Variants in PKHD1 observed in about 807,000 individuals in gnomAD.
The protein encoded by PKHD1 is fibrocystin.
PKHD1 carries 291 observed loss-of-function variants against 412.0 expected under a neutral mutation model. The ratio of observed to expected loss-of-function variants is 0.71; its 90% CI spans 0.64 to 0.78. The LOEUF (loss-of-function observed/expected upper bound fraction) is 0.78. Ranked by LOEUF, PKHD1 falls within the 30% of genes least tolerant of loss-of-function variation. PKHD1 has a pLI of 0.00. For missense variants in PKHD1, 4,825 were observed against 4,950.7 expected, an observed-to-expected ratio of 0.97 and a Z score of 0.76; for synonymous variants, 1,777 against 1,821.5, an observed-to-expected ratio of 0.98 and a Z score of 0.62.
At chr6:51,642,378 T>C (rs1347944318) in intron 63 of PKHD1, among the ~76,000 whole-genome samples, 1 of 152,136 alleles carries the variant, frequency 6.6e-6, no homozygotes, top group Non-Finnish European at 1.5e-5. Context: ...AGTAAGGGTC[T>C]GGAGAATGTG....
At chr6:51,683,108 T>C (rs896003627) in intron 60 of PKHD1, among the ~76,000 whole-genome samples, 1 of 152,064 alleles carries the variant, frequency 6.6e-6, no homozygotes, top group Admixed American at 6.6e-5. Flanking sequence ...ACAAATCAAC[T>C]ATGAAGATTT....
At chr6:51,686,778 A>G (rs1777500079) in intron 60 of PKHD1, among the ~76,000 whole-genome samples, 1 of 152,150 alleles carries the variant, frequency 6.6e-6, no homozygotes, top group Non-Finnish European at 1.5e-5. Flanking sequence ...AATAAACTTA[A>G]TGCATCCATT....
At position 52,056,714 on chromosome 6, in the gene PKHD1, C is replaced by T. The variant is rs1807805209; in HGVS notation, c.1677G>A (p.Arg559=). Residue 559 remains arginine, a synonymous_variant, in exon 18 of 67, where the codon CGG becomes CGA. Transcript: ENST00000371117. ...GGACAGCACCTCGTTCAAATCCAAGCCGGAGAAGGATGTTAGACCAAAGGG... is the reference window on the plus strand; with the variant it reads ...GGACAGCACCTCGTTCAAATCCAAGTCGGAGAAGGATGTTAGACCAAAGGG... ...LEPLWSNILL[R]LGFERGPEVS... is the part of the protein sequence containing the mutation. 6.2e-7 allele frequency: 1 copy of T among 1,612,620 alleles called. No individual in the cohort carries two copies. The highest frequency in any genetic ancestry group is 1.7e-5 in the Admixed American group (1 of 59,986).
chr6:51,867,972 A>C lies in PKHD1; in HGVS notation c.7624T>G (p.Ser2542Ala). 1 of 1,613,608 alleles carries C rather than the reference A, an allele frequency of 6.2e-7. No individual in the cohort carries two copies. Residue 2542 changes from serine (S) to alanine (A), a missense_variant, in exon 48 of 67, where the codon TCT (serine) becomes GCT (alanine). Physicochemically the swap from Ser to Ala is moderately conservative, Grantham distance 99. Transcript: ENST00000371117. ...SGKNRSHILA[S>A]METLSASCLV... Reference sequence around the variant, plus strand: ...CAAGAAGCTGAAAGGGTTTCCATAGAAGCAAGAATGTGACTTCTGTTTTTC... The same window carrying C: ...CAAGAAGCTGAAAGGGTTTCCATAGCAGCAAGAATGTGACTTCTGTTTTTC...
chr6:51,757,613 T>TA (rs1787236496), intron 55 of PKHD1, among the ~76,000 whole-genome samples: 3 of 152,010 alleles, frequency 2.0e-5, no homozygotes, highest in Non-Finnish European at 2.9e-5. Flanking sequence ...CAATTTGACA[T>TA]AAAAAATGCT....
intron 48 of PKHD1, among the ~76,000 whole-genome samples, chr6:51,866,841 T>C (rs536395388): frequency 5.9e-5 from 9 of 152,238 alleles, no homozygotes; most frequent in African/African-American, 2.2e-4. Context: ...ATCAAAATGA[T>C]TAGAAATAAA....
intron 48 of PKHD1, among the ~76,000 whole-genome samples, chr6:51,858,703 A>G (rs1773694243): frequency 6.6e-6 from 1 of 152,218 alleles, no homozygotes; most frequent in Non-Finnish European, 1.5e-5. Flanking sequence ...ATGATTGACC[A>G]TAAGAAATAA....
intron 27 of PKHD1, among the ~76,000 whole-genome samples, chr6:52,038,167 G>A (rs974549355): frequency 3.3e-5 from 5 of 152,102 alleles, no homozygotes; most frequent in Non-Finnish European, 7.3e-5. Context: ...AGATCACAAG[G>A]TCAGGAGTTC....
intron 27 of PKHD1, 40 bp from the exon 28 acceptor site, chr6:52,035,761 A>G (rs1439454767): frequency 2.9e-5 from 46 of 1,602,642 alleles, no homozygotes; most frequent in Non-Finnish European, 3.9e-5. Flanking sequence ...ATCACCAACC[A>G]TACAGGCAGA....
intron 6 of PKHD1, among the ~76,000 whole-genome samples, chr6:52,074,456 C>T (rs563609512): frequency 1.7e-4 from 26 of 152,178 alleles, no homozygotes; most frequent in Middle Eastern, 3.4e-3. Context: ...CCTGTTACTG[C>T]TAAAAAAAAT....
chr6:51,994,120 A>C (rs1234225904), intron 35 of PKHD1, among the ~76,000 whole-genome samples: 1 of 150,250 alleles, frequency 6.7e-6, no homozygotes, highest in African/African-American at 2.4e-5. Context: ...ACTTCACTAC[A>C]GAACACTTTT....
intron 42 of PKHD1, 123 bp from the exon 43 acceptor site, chr6:51,903,850 TATATATATATTTA>T: frequency 2.4e-6 from 1 of 410,446 alleles, no homozygotes; most frequent in Non-Finnish European, 4.2e-6. Context: ...TATATATATA[TATATATATATTTA>T]GAAAATATTT....
At chr6:51,803,517 T>C (rs1763241449) in intron 52 of PKHD1, among the ~76,000 whole-genome samples, 1 of 150,522 alleles carries the variant, frequency 6.6e-6, no homozygotes, top group African/African-American at 2.5e-5. Flanking sequence ...AATTCCTCTT[T>C]TTAATCCAAG....
chr6:52,055,796 T>C, intron 18 of PKHD1, 67 bp from the exon 19 acceptor site: 8 of 1,532,518 alleles, frequency 5.2e-6, no homozygotes, highest in Non-Finnish European at 7.2e-6. Context: ...CTTCCCTACA[T>C]GTGTGCATGA....
At chr6:51,957,444 T>C (rs943696419) in intron 36 of PKHD1, among the ~76,000 whole-genome samples, 1 of 152,058 alleles carries the variant, frequency 6.6e-6, no homozygotes, top group East Asian at 1.9e-4. Context: ...TTGCCACCAA[T>C]GAAATTAGGG....
intron 23 of PKHD1, 25 bp downstream of exon 23, chr6:52,048,467 G>T: frequency 6.2e-7 from 1 of 1,612,472 alleles, no homozygotes; most frequent in Non-Finnish European, 8.5e-7. Context: ...AGTGAGAATT[G>T]TTGCAACCCC....
intron 60 of PKHD1, among the ~76,000 whole-genome samples, chr6:51,687,596 A>T (rs1777605267): frequency 6.6e-6 from 1 of 152,180 alleles, no homozygotes; most frequent in South Asian, 2.1e-4. Flanking sequence ...CTTCACAACA[A>T]CTTTAAAAGG....
chr6:51,857,475 C>A (rs1773487426), intron 48 of PKHD1, among the ~76,000 whole-genome samples: 1 of 152,192 alleles, frequency 6.6e-6, no homozygotes, highest in African/African-American at 2.4e-5. Context: ...TGGGTAACAA[C>A]TGAAATCTAG....
At chr6:51,885,654 C>A (rs1430971314) in intron 45 of PKHD1, among the ~76,000 whole-genome samples, 2 of 152,182 alleles carry the variant, frequency 1.3e-5, no homozygotes, top group African/African-American at 4.8e-5. Context: ...AATGACCTAA[C>A]CCTGGATTAG....
Sources: gnomAD v4.1 joint callset for allele counts (sites outside exome capture counted in the v4.1 genomes callset) on GRCh38, gnomAD v4.1.1 for gene constraint, MANE v1.5 for transcripts, NCBI Gene and HGNC (gene_info 2026-07-23, HGNC 2026-07-21) for gene names.